KCNK2: variants seen among roughly 807,000 people sequenced by gnomAD.
KCNK2 encodes the protein potassium channel subfamily K member 2.
Under a neutral mutation model 40.5 loss-of-function variants are expected in KCNK2, and 21 were observed. That is an observed-to-expected ratio of 0.52 (90% CI 0.37 to 0.75). The LOEUF is 0.75. KCNK2 is among the 30% of genes least tolerant of loss of function. The pLI is 0.00. For missense variants in KCNK2, 399 were observed against 531.6 expected (o/e 0.75, Z 2.45); for synonymous variants, 191 against 202.2 (o/e 0.94, Z 0.47).
At chr1:215,018,575 G>A (rs1428958022) in intron 1 of KCNK2, among the ~76,000 whole-genome samples, 1 of 152,136 alleles carries the variant, frequency 6.6e-6, no homozygotes, top group Non-Finnish European at 1.5e-5. Flanking sequence ...AAATGGAAAT[G>A]GAAGGGTAAG....
intron 3 of KCNK2, among the ~76,000 whole-genome samples, chr1:215,134,206 C>A (rs924583795): frequency 6.6e-6 from 1 of 152,100 alleles, no homozygotes; most frequent in Admixed American, 6.6e-5. Flanking sequence ...CACTGGACAC[C>A]AGCTGGGTTT....
In KCNK2 at chr1:215,049,024, A is replaced by G. The variant is rs551835574; in HGVS notation, c.35-37344A>G. ...CATTTCCTTGATGTGGAAGAATGCAATTGCTGGGTCTTAGGATCATGTTTT... is the reference window on the plus strand; with the variant it reads ...CATTTCCTTGATGTGGAAGAATGCAGTTGCTGGGTCTTAGGATCATGTTTT... On this transcript the variant is annotated intron_variant, in intron 1 of 6. Transcript: ENST00000391895. Among the ~76,000 whole-genome samples the G allele has an allele frequency of 3.9e-5, 6 of 152,260 alleles. No homozygotes were observed. The South Asian group carries it at 1.2e-3, about 32-fold the overall frequency.
intron 6 of KCNK2, among the ~76,000 whole-genome samples, chr1:215,232,305 G>A (rs1303645675): frequency 6.6e-6 from 1 of 152,080 alleles, no homozygotes; most frequent in Non-Finnish European, 1.5e-5. Flanking sequence ...ATGATAAAAG[G>A]ACTAAAATTC....
chr1:215,097,414 C>T (rs1372636456), intron 2 of KCNK2, among the ~76,000 whole-genome samples: 7 of 150,964 alleles, frequency 4.6e-5, no homozygotes, highest in African/African-American at 1.7e-4. Flanking sequence ...CCCATTCTTA[C>T]TTTCCTTTTT....
chr1:215,195,144 GTTATT>G lies in KCNK2; in HGVS notation c.963+56_963+60del, dbSNP rs1157837655. The G allele has an allele frequency of 3.8e-6, 5 of 1,301,692 alleles. No homozygotes were observed. In the African/African-American group the frequency reaches 7.6e-5, roughly 20 times the overall value. The allele number at this position is 1,301,692 out of a possible 1,614,324, so 80.6% of individuals were successfully genotyped here. On this transcript the variant is annotated intron_variant, in intron 6 of 6. Coordinates refer to ENST00000444842, the MANE Select transcript of KCNK2 (RefSeq NM_001017425.3). Reference sequence around the variant, plus strand: ...CTTCTATTTAGTTAATTCAATAAAGGTTATTTTAAATTATTTTTATGTTTACATTT... The same window carrying G: ...CTTCTATTTAGTTAATTCAATAAAGGTTAAATTATTTTTATGTTTACATTT...
chr1:215,054,655 G>T (rs1275099840), intron 1 of KCNK2, among the ~76,000 whole-genome samples: 8 of 152,128 alleles, frequency 5.3e-5, no homozygotes, highest in African/African-American at 4.8e-5. Flanking sequence ...TAGCCAGGGT[G>T]TATTTTTCTA....
chr1:215,037,498 T>C (rs1038062717), intron 1 of KCNK2, among the ~76,000 whole-genome samples: 3 of 151,984 alleles, frequency 2.0e-5, no homozygotes, highest in African/African-American at 7.2e-5. Context: ...TTCTTTTTTA[T>C]AATGACATTG....
chr1:215,080,580 T>C (rs1157282103), upstream of KCNK2, among the ~76,000 whole-genome samples: 2 of 145,952 alleles, frequency 1.4e-5, no homozygotes, highest in Non-Finnish European at 3.0e-5. Context: ...AAACACGTAT[T>C]TAGCAGCAGA....
At chr1:215,094,316 T>G (rs1397640853) in intron 2 of KCNK2, among the ~76,000 whole-genome samples, 1 of 152,056 alleles carries the variant, frequency 6.6e-6, no homozygotes, top group Non-Finnish European at 1.5e-5. Flanking sequence ...TTCTGTCCTT[T>G]CGGTTAATCT....
At chr1:215,150,922 A>AT (rs1328482567) in intron 3 of KCNK2, among the ~76,000 whole-genome samples, 8 of 151,998 alleles carry the variant, frequency 5.3e-5, no homozygotes, top group Non-Finnish European at 1.2e-4. Flanking sequence ...AATGGATATC[A>AT]TTTTTCCTGA....
chr1:215,022,359 G>C (rs1362988204), intron 1 of KCNK2, among the ~76,000 whole-genome samples: 1 of 152,082 alleles, frequency 6.6e-6, no homozygotes, highest in African/African-American at 2.4e-5. Context: ...ATCACTGGTT[G>C]TTGAGTCCTC....
At chr1:215,021,695 G>A (rs1202271512) in intron 1 of KCNK2, among the ~76,000 whole-genome samples, 2 of 152,068 alleles carry the variant, frequency 1.3e-5, no homozygotes, top group Admixed American at 6.5e-5. Context: ...ACAGGCGCCC[G>A]CCACCACGCC....
intron 2 of KCNK2, among the ~76,000 whole-genome samples, chr1:215,108,398 A>G (rs977733287): frequency 3.3e-5 from 5 of 152,156 alleles, no homozygotes; most frequent in African/African-American, 9.6e-5. Context: ...CCTGAAACCA[A>G]TCCCTCATAG....
chr1:215,194,716 G>T (rs1192201375), intron 5 of KCNK2, among the ~76,000 whole-genome samples: 1 of 152,136 alleles, frequency 6.6e-6, no homozygotes, highest in African/African-American at 2.4e-5. Flanking sequence ...AAATCATGAT[G>T]ATCTGAAGAA....
intron 2 of KCNK2, among the ~76,000 whole-genome samples, chr1:215,090,014 C>G (rs551746326): frequency 5.5e-4 from 83 of 151,794 alleles, no homozygotes; most frequent in African/African-American, 1.9e-3. Context: ...TTAGTAGAGA[C>G]GGGGTTTCTC....
chr1:215,053,135 G>A (rs1245684040), intron 1 of KCNK2, among the ~76,000 whole-genome samples: 2 of 152,106 alleles, frequency 1.3e-5, no homozygotes, highest in Admixed American at 1.3e-4. Context: ...AGGACGTGCA[G>A]GTTAGTTCAG....
At chr1:215,170,748 T>C (rs979573670) in intron 4 of KCNK2, among the ~76,000 whole-genome samples, 2 of 152,174 alleles carry the variant, frequency 1.3e-5, no homozygotes, top group Non-Finnish European at 2.9e-5. Context: ...AAGAATTATC[T>C]GTTTATATTA....
intron 3 of KCNK2, among the ~76,000 whole-genome samples, chr1:215,135,947 A>T (rs1661886757): frequency 6.6e-6 from 1 of 151,868 alleles, no homozygotes; most frequent in East Asian, 1.9e-4. Flanking sequence ...GTTGGCCAGG[A>T]TGTTCTCAAT....
At chr1:215,036,154 T>A (rs1657377227) in intron 1 of KCNK2, among the ~76,000 whole-genome samples, 1 of 150,872 alleles carries the variant, frequency 6.6e-6, no homozygotes, top group South Asian at 2.1e-4. Context: ...TCCTAGAAAA[T>A]TTATAATTTT....
Sources: allele counts gnomAD v4.1 joint callset (sites outside exome capture counted in the v4.1 genomes callset), GRCh38; gene constraint gnomAD v4.1.1; transcripts MANE v1.5; gene names NCBI Gene and HGNC (gene_info 2026-07-23, HGNC 2026-07-21).